The following OR5H1 variants were observed in gnomAD, a reference collection of about 807,000 sequenced individuals.
OR5H1 encodes olfactory receptor family 5 subfamily H member 1.
For synonymous variants in OR5H1, 124 were observed against 134.4 expected (o/e 0.92, Z 0.54); for missense variants, 378 against 366.8 (o/e 1.03, Z -0.25).
Position 98,132,935 on chromosome 3 carries a change from A to G in OR5H1, c.238A>G (p.Lys80Glu). 1 of 1,613,566 alleles carries G rather than the reference A, an allele frequency of 6.2e-7. No homozygotes were observed. The highest frequency in any genetic ancestry group is 1.1e-5 in the South Asian group (1 of 91,066). Reference sequence around the variant, plus strand: ...TTGGATATCATCCACAGTGACCCCAAAGATGCTGAATAACTTCTTAGCTAA... The same window carrying G: ...TTGGATATCATCCACAGTGACCCCAGAGATGCTGAATAACTTCTTAGCTAA... ...DAWISSTVTP[K>E]MLNNFLAKSK... Residue 80 changes from lysine to glutamate, a missense_variant, in exon 2 of 2, where the codon AAG becomes GAG. Transcript: ENST00000641874.
At position 98,137,903 on chromosome 3, in the gene OR5H1, T is replaced by C. The variant is rs1176957123; in HGVS notation, c.*4264T>C. ...ATCTATTTAATTCACTTATTCTGAA[T>C]TGTTTGGTTTACTCATGAAAATTTC... On this transcript the variant is annotated 3_prime_UTR_variant, in exon 2 of 2. Coordinates refer to ENST00000641874, the MANE Select transcript of OR5H1 (RefSeq NM_001005338.2). 3.9e-5 allele frequency: 6 copies of C among 152,152 alleles called. No individual in the cohort carries two copies. The highest frequency in any genetic ancestry group is 8.8e-5 in the Non-Finnish European group (6 of 68,030). The allele number at this position is 152,152 out of a possible 1,614,324, so 9.4% of individuals were successfully genotyped here.
intron 1 of OR5H1, among the ~76,000 whole-genome samples, 159 bp from the exon 2 acceptor site, chr3:98,132,521 T>C (rs1409499028): frequency 6.6e-6 from 1 of 152,082 alleles, no homozygotes; most frequent in Non-Finnish European, 1.5e-5. Context: ...CATTTTTTCA[T>C]GTCTTTATTG....
Position 98,133,231 on chromosome 3 carries a change from C to T in OR5H1, c.534C>T (p.Tyr178=), listed in dbSNP as rs527486699. ...FCNSNIVHHI[Y]CDTIPLSKIS... is the part of the protein sequence containing the mutation. ...ACTCCAACATAGTACATCACATTTA[C>T]TGTGACACTATCCCATTGTCTAAGA... The change falls in exon 2 of 2, where the codon TAC becomes TAT. Residue 178 remains tyrosine, a synonymous_variant. Transcript: ENST00000641874. The T allele has an allele frequency of 1.9e-6, 3 of 1,612,566 alleles. No individual in the cohort carries two copies. Among genetic ancestry groups the T allele is most frequent in the Non-Finnish European group, 2.5e-6 (3 of 1,179,026 alleles).
In OR5H1 at chr3:98,133,754, C is replaced by A; in HGVS notation, c.*115C>A. The A allele has an allele frequency of 2.5e-6, 2 of 804,034 alleles. No individual in the cohort carries two copies. The highest frequency in any genetic ancestry group is 1.6e-5 in the South Asian group (1 of 62,044). 49.8% of individuals were successfully genotyped at this position (804,034 alleles called of 1,614,324 possible). A position where few individuals can be genotyped will look rare whatever the true frequency, so the allele number is the denominator to read the frequency against. ...ACAACTGTTCTAGCACTTTAGTGAG[C>A]TAATGTTTTAGTACCTAATAAACTA... On this transcript the variant is annotated 3_prime_UTR_variant, in exon 2 of 2. Coordinates refer to ENST00000641874, the MANE Select transcript of OR5H1 (RefSeq NM_001005338.2).
intron 1 of OR5H1, among the ~76,000 whole-genome samples, chr3:98,131,111 A>C (rs918279326): frequency 6.6e-6 from 1 of 152,094 alleles, no homozygotes; most frequent in Non-Finnish European, 1.5e-5. Flanking sequence ...TAGGGCATTA[A>C]ACAACTAAAA....
chr3:98,133,082 C>T lies in OR5H1; in HGVS notation c.385C>T (p.Pro129Ser), dbSNP rs139041190. The change falls in exon 2 of 2, where the codon CCT becomes TCT. Residue 129 changes from proline (P) to serine (S), a missense_variant. Pro to Ser is a moderately conservative substitution (Grantham distance 74). Transcript: ENST00000641874. ...AYDRYVAICK[P>S]LLYPAIMTNG... ...TGATCGCTATGTAGCCATATGCAAACCTTTACTTTATCCAGCCATTATGAC... is the reference window on the plus strand; with the variant it reads ...TGATCGCTATGTAGCCATATGCAAATCTTTACTTTATCCAGCCATTATGAC... 1.1e-4 allele frequency: 181 copies of T among 1,613,548 alleles called. No individual in the cohort carries two copies. In the African/African-American group the frequency reaches 2.4e-3, roughly 21 times the overall value.
Position 98,132,882 on chromosome 3 carries a change from T to A in OR5H1, c.185T>A (p.Leu62His). ...DPHLHIPMYL[L>H]LGNLAFVDAW... ...CACCTTCATATCCCAATGTACTTAC[T>A]CCTTGGGAATTTAGCTTTTGTGGAT... The change falls in exon 2 of 2, where the codon CTC (leucine) becomes CAC (histidine). Residue 62 changes from leucine (L) to histidine (H), a missense_variant. Physicochemically the swap from Leu to His is moderately conservative, Grantham distance 99 (BLOSUM62 -3). Transcript: ENST00000641874. The A allele has an allele frequency of 6.2e-7, 1 of 1,613,478 alleles. No homozygotes were observed. The highest frequency in any genetic ancestry group is 1.3e-5 in the African/African-American group (1 of 74,988).
In OR5H1 at chr3:98,134,813, T is replaced by C. The variant is rs1708300820; in HGVS notation, c.*1174T>C. The C allele has an allele frequency of 6.6e-6, 1 of 152,130 alleles. No individual in the cohort carries two copies. The highest frequency in any genetic ancestry group is 2.1e-4 in the South Asian group (1 of 4,830). The allele number at this position is 152,130 out of a possible 1,614,324, so 9.4% of individuals were successfully genotyped here. ...ACTCACATGTAGTTTTGCAAACCTC[T>C]AGTTACTTATTTCCTCCATCCTTCT... On this transcript the variant is annotated 3_prime_UTR_variant, in exon 2 of 2. Transcript: ENST00000641874.
chr3:98,135,642 A>G lies in OR5H1; in HGVS notation c.*2003A>G, dbSNP rs553206357. 2.6e-3 allele frequency: 391 copies of G among 152,326 alleles called. 1 individual carries two copies. The highest frequency in any genetic ancestry group is 8.9e-3 in the African/African-American group (372 of 41,588). 9.4% of individuals were successfully genotyped at this position (152,326 alleles called of 1,614,324 possible). ...CACAGTGTAGTGGCTACAAACTTGTATTTAAAACTCTTGAGAGAATACAAC... is the reference window on the plus strand; with the variant it reads ...CACAGTGTAGTGGCTACAAACTTGTGTTTAAAACTCTTGAGAGAATACAAC... On this transcript the variant is annotated 3_prime_UTR_variant, in exon 2 of 2. Transcript: ENST00000641874.
At chr3:98,131,232 A>T (rs1052427511) in intron 1 of OR5H1, among the ~76,000 whole-genome samples, 1 of 152,044 alleles carries the variant, frequency 6.6e-6, no homozygotes, top group Non-Finnish European at 1.5e-5. Flanking sequence ...AAAACTTTTA[A>T]GGTGAGTCAC....
rs1384755710 is a variant in OR5H1 at position 98,137,739 on chromosome 3, C to CT, written c.*4101dup. Reference sequence around the variant, plus strand: ...TGGAAATAATCCAGATATTCAATGACTATTGATAATTTAATCAACTGTGTG... The same window carrying CT: ...TGGAAATAATCCAGATATTCAATGACTTATTGATAATTTAATCAACTGTGTG... On this transcript the variant is annotated 3_prime_UTR_variant, in exon 2 of 2. Coordinates refer to ENST00000641874, the MANE Select transcript of OR5H1 (RefSeq NM_001005338.2). The CT allele has an allele frequency of 3.9e-5, 6 of 152,178 alleles. No homozygotes were observed. In the East Asian group the frequency reaches 1.2e-3, roughly 29 times the overall value. The allele number at this position is 152,178 out of a possible 1,614,324, so 9.4% of individuals were successfully genotyped here. A position where few individuals can be genotyped will look rare whatever the true frequency, so the allele number is the denominator to read the frequency against.
In OR5H1 at chr3:98,133,896, A is replaced by G. The variant is rs192256357; in HGVS notation, c.*257A>G. 9.0e-6 allele frequency: 3 copies of G among 332,608 alleles called. No homozygotes were observed. Among genetic ancestry groups the G allele is most frequent in the South Asian group, 4.2e-5 (1 of 23,996 alleles). The allele number at this position is 332,608 out of a possible 1,614,324, so 20.6% of individuals were successfully genotyped here. A position where few individuals can be genotyped will look rare whatever the true frequency, so the allele number is the denominator to read the frequency against. Reference sequence around the variant, plus strand: ...ATTTAACAGTTGTATATGTTATTCAATGTGCATTTATAAATGCATTAATTG... The same window carrying G: ...ATTTAACAGTTGTATATGTTATTCAGTGTGCATTTATAAATGCATTAATTG... On this transcript the variant is annotated 3_prime_UTR_variant, in exon 2 of 2. Coordinates refer to ENST00000641874, the MANE Select transcript of OR5H1 (RefSeq NM_001005338.2).
intron 1 of OR5H1, among the ~76,000 whole-genome samples, chr3:98,131,652 C>T (rs1056619463): frequency 6.6e-6 from 1 of 151,998 alleles, no homozygotes; most frequent in African/African-American, 2.4e-5. Flanking sequence ...TTCTGTTTTA[C>T]ACTCCAAGGA....
intron 1 of OR5H1, among the ~76,000 whole-genome samples, chr3:98,131,643 T>A (rs1417435685): frequency 2.6e-5 from 4 of 152,062 alleles, no homozygotes; most frequent in African/African-American, 4.8e-5. Context: ...TCCTTTTGGT[T>A]CTGTTTTACA....
Position 98,136,224 on chromosome 3 carries a change from G to T in OR5H1, c.*2585G>T, listed in dbSNP as rs1293547533. ...GTAAGACTAATTTATTTACCAACTAGATCTACCCTCATTAAGCTTCAAGTG... is the reference window on the plus strand; with the variant it reads ...GTAAGACTAATTTATTTACCAACTATATCTACCCTCATTAAGCTTCAAGTG... On this transcript the variant is annotated 3_prime_UTR_variant, in exon 2 of 2. Coordinates refer to ENST00000641874, the MANE Select transcript of OR5H1 (RefSeq NM_001005338.2). 2 of 152,052 alleles carry T rather than the reference G, an allele frequency of 1.3e-5. No homozygotes were observed. The highest frequency in any genetic ancestry group is 2.9e-5 in the Non-Finnish European group (2 of 68,034). 9.4% of individuals were successfully genotyped at this position (152,052 alleles called of 1,614,324 possible).
In OR5H1 at chr3:98,133,042, G is replaced by A. The variant is rs1422440541; in HGVS notation, c.345G>A (p.Leu115=). 3.7e-6 allele frequency: 6 copies of A among 1,613,424 alleles called. 1 individual carries two copies. In the South Asian group the frequency reaches 4.4e-5, roughly 12 times the overall value. Residue 115 remains leucine (L), a synonymous_variant, in exon 2 of 2, where the codon TTG becomes TTA. Transcript: ENST00000641874. ...GTGTAACCACGGAATGTTTTCTCTTGGCAACGATGGCATATGATCGCTATG... is the reference window on the plus strand; with the variant it reads ...GTGTAACCACGGAATGTTTTCTCTTAGCAACGATGGCATATGATCGCTATG... ...AISVTTECFL[L]ATMAYDRYVA...
In OR5H1 at chr3:98,133,531, C is replaced by A. The variant is rs1283079547; in HGVS notation, c.834C>A (p.Tyr278Ter). 6.2e-7 allele frequency: 1 copy of A among 1,613,270 alleles called. No individual in the cohort carries two copies. The highest frequency in any genetic ancestry group is 1.3e-5 in the African/African-American group (1 of 74,968). The part of the protein sequence containing the change: ...DDQDMVEPLF[Y>*]TVIIPLLNPI... ...AAGATATGGTGGAGCCTCTATTCTA[C>A]ACTGTCATCATTCCTTTGTTAAATC... is the stretch of plus-strand genomic sequence containing the variant. The change falls in exon 2 of 2, where the codon TAC becomes TAA. Residue 278 changes from tyrosine to a stop codon, truncating the protein, a stop_gained. Coordinates refer to ENST00000641874, the MANE Select transcript of OR5H1 (RefSeq NM_001005338.2). LOFTEE classifies it low-confidence loss of function (END_TRUNC).
At chr3:98,131,208 C>T (rs1708252044) in intron 1 of OR5H1, among the ~76,000 whole-genome samples, 1 of 151,916 alleles carries the variant, frequency 6.6e-6, no homozygotes, top group African/African-American at 2.4e-5. Context: ...CTGAATCAAC[C>T]ACATTCTCCA....
rs1708269914 is a variant in OR5H1 at position 98,132,776 on chromosome 3, CT to C, written c.80del (p.Leu27ArgfsTer7). The stretch of plus-strand genomic sequence containing the variant: ...ATATCAACCACAGTGGAAAATACCC[CT>C]GTTCCTGGCATTCTTGGTAATATAT... ...FLYQPQWKIP[L>X]FLAFLVIYLI... On this transcript the variant is annotated frameshift_variant, in exon 2 of 2. Coordinates refer to ENST00000641874, the MANE Select transcript of OR5H1 (RefSeq NM_001005338.2). LOFTEE classifies it low-confidence loss of function (END_TRUNC). 6.2e-7 allele frequency: 1 copy of C among 1,613,420 alleles called. No homozygotes were observed. The highest frequency in any genetic ancestry group is 1.3e-5 in the African/African-American group (1 of 74,880).
Sources: gnomAD v4.1 joint callset for allele counts (sites outside exome capture counted in the v4.1 genomes callset) on GRCh38, gnomAD v4.1.1 for gene constraint, MANE v1.5 for transcripts, NCBI Gene and HGNC (gene_info 2026-07-23, HGNC 2026-07-21) for gene names.